Variants in RAP1GAP2 observed in about 807,000 individuals in gnomAD.
RAP1GAP2 encodes the protein rap1 GTPase-activating protein 2.
RAP1GAP2 carries 27 observed loss-of-function variants against 95.0 expected under a neutral mutation model. That is an observed-to-expected ratio of 0.28 (90% CI 0.21 to 0.39). The LOEUF (loss-of-function observed/expected upper bound fraction) is 0.39, where lower values mean the gene tolerates loss of function less well. Ranked by LOEUF, RAP1GAP2 falls within the 10% of genes least tolerant of loss-of-function variation. The pLI is 1.00. For synonymous variants in RAP1GAP2, 373 were observed against 380.9 expected, an observed-to-expected ratio of 0.98 and a Z score of 0.24; for missense variants, 771 against 970.0, an observed-to-expected ratio of 0.79 and a Z score of 2.72.
rs189523843 is a variant in RAP1GAP2, at chr17:2,768,189, T to C, written c.51-2140T>C. ...GGTAAATTCCCCAAAGAGGGGATTA[T>C]TGGGATAAAAGGGAAATGCATTTGG... On this transcript the variant is annotated intron_variant, in intron 1 of 25. Transcript: ENST00000637138. Among the ~76,000 whole-genome samples, 522 of 152,290 alleles carry C rather than the reference T, an allele frequency of 3.4e-3. 7 individuals are homozygous for C. Among genetic ancestry groups the C allele is most frequent in the African/African-American group, 0.012 (491 of 41,560 alleles).
intron 8 of RAP1GAP2, among the ~76,000 whole-genome samples, chr17:2,970,815 G>A (rs1398572832): frequency 6.6e-6 from 1 of 152,124 alleles, no homozygotes; most frequent in Admixed American, 6.5e-5. Context: ...TGAGGCGGGA[G>A]GATCACTTGA....
rs150926250 is a variant in RAP1GAP2 at position 2,827,313 on chromosome 17, A to C, written c.80+26763A>C. Among the ~76,000 whole-genome samples the C allele has an allele frequency of 2.4e-3, 371 of 152,282 alleles. 1 individual carries two copies. Among genetic ancestry groups the C allele is most frequent in the African/African-American group, 8.5e-3 (353 of 41,564 alleles). On this transcript the variant is annotated intron_variant, in intron 2 of 24. Coordinates refer to ENST00000254695, the MANE Select transcript of RAP1GAP2 (RefSeq NM_015085.5). This position sits in a 1 kb window ranked among gnomAD's most constrained non-coding sequence, Gnocchi z 4.1. ...CGTGTTCTGAGTGTGAGTCCTACAA[A>C]AGTGGACAATTCAGACCCTGTTGGG...
In RAP1GAP2 at chr17:2,902,766, G is replaced by A. The variant is rs1567759786; in HGVS notation, c.81-2518G>A. On this transcript the variant is annotated intron_variant, in intron 2 of 24. Coordinates refer to ENST00000254695, the MANE Select transcript of RAP1GAP2 (RefSeq NM_015085.5). This position sits in a 1 kb window ranked among gnomAD's most constrained non-coding sequence, Gnocchi z 4.1. ...GCCCCAGGAGCTTATCCAGTGTCCA[G>A]TAGAGACCGGCCCCAGGAGCTTATC... Among the ~76,000 whole-genome samples the A allele has an allele frequency of 6.6e-6, 1 of 152,064 alleles. No individual in the cohort carries two copies. Among genetic ancestry groups the A allele is most frequent in the Non-Finnish European group, 1.5e-5 (1 of 68,020 alleles).
At chr17:2,950,272 A>T (rs1391351540) in intron 3 of RAP1GAP2, among the ~76,000 whole-genome samples, 2 of 151,880 alleles carry the variant, frequency 1.3e-5, no homozygotes, top group African/African-American at 4.8e-5. Flanking sequence ...GGCTGGTCTC[A>T]AACTCCTGGC....
chr17:2,949,470 CTG>C (rs1190857182), intron 3 of RAP1GAP2, among the ~76,000 whole-genome samples: 1 of 151,882 alleles, frequency 6.6e-6, no homozygotes, highest in East Asian at 1.9e-4. Context: ...TGAGCATTAA[CTG>C]AGTGCCTGTT....
At chr17:2,850,146 A>G (rs1029828924) in intron 2 of RAP1GAP2, among the ~76,000 whole-genome samples, 79 of 150,740 alleles carry the variant, frequency 5.2e-4, no homozygotes, top group African/African-American at 1.8e-3. Context: ...GATTACAGGC[A>G]CCCGCCACCA....
intron 3 of RAP1GAP2, among the ~76,000 whole-genome samples, chr17:2,937,716 A>G (rs1461126458): frequency 6.6e-6 from 1 of 152,218 alleles, no homozygotes; most frequent in Admixed American, 6.5e-5. Context: ...GAACATTGCC[A>G]GGCCTCTCTG....
chr17:2,767,247 A>T (rs984266193), intron 1 of RAP1GAP2, among the ~76,000 whole-genome samples: 1 of 150,644 alleles, frequency 6.6e-6, no homozygotes, highest in African/African-American at 2.4e-5. Flanking sequence ...CTGTAATCCC[A>T]GCTGCTTGGG....
chr17:2,833,056 T>C (rs1447650398), intron 2 of RAP1GAP2, among the ~76,000 whole-genome samples: 1 of 152,078 alleles, frequency 6.6e-6, no homozygotes, highest in Non-Finnish European at 1.5e-5. Context: ...CACAGTTAGC[T>C]CATTCCTTCT....
chr17:2,757,449 CAG>C (rs1181973735), intron 1 of RAP1GAP2, among the ~76,000 whole-genome samples: 1 of 152,140 alleles, frequency 6.6e-6, no homozygotes, highest in Non-Finnish European at 1.5e-5. Context: ...TGAATTACCT[CAG>C]GGGAGGTGGG....
Position 3,036,468 on chromosome 17 carries a change from G to A in RAP1GAP2, c.*3107G>A, listed in dbSNP as rs920048218. ...TTTGGCACTGGCATGGAGGTGAGCAGTCAAGGATGCTGGTGAGGCTGCAGT... is the reference window on the plus strand; with the variant it reads ...TTTGGCACTGGCATGGAGGTGAGCAATCAAGGATGCTGGTGAGGCTGCAGT... On this transcript the variant is annotated 3_prime_UTR_variant, in exon 25 of 25. Transcript: ENST00000254695. The A allele has an allele frequency of 2.6e-5, 4 of 152,448 alleles. No individual in the cohort carries two copies. Among genetic ancestry groups the A allele is most frequent in the Admixed American group, 2.0e-4 (3 of 15,308 alleles). The allele number at this position is 152,448 out of a possible 1,614,324, so 9.4% of individuals were successfully genotyped here. A position where few individuals can be genotyped will look rare whatever the true frequency, so the allele number is the denominator to read the frequency against.
intron 1 of RAP1GAP2, 146 bp from the exon 2 acceptor site, chr17:2,800,369 T>C (rs2069233023): frequency 5.5e-6 from 7 of 1,265,516 alleles, no homozygotes; most frequent in Non-Finnish European, 7.7e-6. Flanking sequence ...CTCCCCCTGC[T>C]AGCGGAGAAC....
intron 2 of RAP1GAP2, among the ~76,000 whole-genome samples, chr17:2,815,043 C>G (rs1299407277): frequency 6.6e-6 from 1 of 152,140 alleles, no homozygotes; most frequent in Non-Finnish European, 1.5e-5. Flanking sequence ...GCTGCCCACC[C>G]TGGCTGCAGT....
chr17:3,021,778 A>T lies in RAP1GAP2; in HGVS notation c.1751+1183A>T, dbSNP rs2046970936. 2.0e-5 allele frequency among the ~76,000 whole-genome samples: 3 copies of T among 152,020 alleles called. No homozygotes were observed. In the South Asian group the frequency reaches 6.2e-4, roughly 32 times the overall value. On this transcript the variant is annotated intron_variant, in intron 19 of 24. Coordinates refer to ENST00000254695, the MANE Select transcript of RAP1GAP2 (RefSeq NM_015085.5). ...TGTCTGGCTTTCACTTAACATAATG[A>T]CCTCCAATTCTACCCATGTTGCTGC...
chr17:2,794,861 G>A (rs1323887968), upstream of RAP1GAP2, among the ~76,000 whole-genome samples: 3 of 138,448 alleles, frequency 2.2e-5, no homozygotes, highest in Non-Finnish European at 3.0e-5. Flanking sequence ...AGCTAGGGCC[G>A]TTTTTTTCCT....
Position 3,025,992 on chromosome 17 carries a change from A to T in RAP1GAP2, c.1752-16A>T. ...GGCTGTCTCCGCGGCCTCACTCCTC[A>T]TTTCCATTCCCTCAGTGACAGCACA... On this transcript the variant is annotated splice_polypyrimidine_tract_variant and intron_variant, in intron 19 of 24. Transcript: ENST00000254695. The T allele has an allele frequency of 6.3e-7, 1 of 1,592,052 alleles. No individual in the cohort carries two copies.
intron 2 of RAP1GAP2, among the ~76,000 whole-genome samples, chr17:2,805,850 G>A (rs2069494513): frequency 6.6e-6 from 1 of 152,172 alleles, no homozygotes; most frequent in Non-Finnish European, 1.5e-5. Context: ...GTGGCCTGGA[G>A]TGAGCACGTG....
At chr17:3,000,500 C>CA (rs2046119498) in intron 14 of RAP1GAP2, among the ~76,000 whole-genome samples, 1 of 12,838 alleles carries the variant, frequency 7.8e-5, no homozygotes, top group Non-Finnish European at 1.7e-4. Context: ...GTGGAGGTAA[C>CA]AGAATCAGCC....
At chr17:2,975,939 G>C (rs1023421512) in intron 8 of RAP1GAP2, among the ~76,000 whole-genome samples, 7 of 152,218 alleles carry the variant, frequency 4.6e-5, no homozygotes, top group African/African-American at 1.7e-4. Context: ...CCTTTTTCTA[G>C]GTCCCCCAGA....
Sources: allele counts gnomAD v4.1 joint callset (sites outside exome capture counted in the v4.1 genomes callset), GRCh38; gene constraint gnomAD v4.1.1; non-coding constraint Gnocchi (gnomAD v3.1); transcripts MANE v1.5; gene names NCBI Gene and HGNC (gene_info 2026-07-23, HGNC 2026-07-21).